TMPRSS11D: variants seen among roughly 807,000 people sequenced by gnomAD.
TMPRSS11D encodes the protein transmembrane protease serine 11D.
In TMPRSS11D, 32 loss-of-function variants were observed where a neutral mutation model predicts 44.4. That is an observed-to-expected ratio of 0.72 (90% CI 0.54 to 0.97). TMPRSS11D has a LOEUF of 0.97. Ranked by LOEUF, TMPRSS11D falls within the 50% of genes least tolerant of loss-of-function variation. The probability of loss-of-function intolerance (pLI) is 0.00; values close to 1 mark genes in which losing one functional copy is unlikely to be tolerated. For missense variants in TMPRSS11D, 446 were observed against 502.6 expected (o/e 0.89, Z 1.08); for synonymous variants, 179 against 177.9 (o/e 1.01, Z -0.05).
chr4:67,825,903 G>A, intron 8 of TMPRSS11D, 29 bp from the exon 9 acceptor site: 1 of 1,594,140 alleles, frequency 6.3e-7, no homozygotes, highest in South Asian at 1.1e-5. Context: ...GGAAAAAAAT[G>A]GACTTCAAGA....
At chr4:67,847,683 T>C (rs981632887) in intron 3 of TMPRSS11D, among the ~76,000 whole-genome samples, 3 of 152,174 alleles carry the variant, frequency 2.0e-5, no homozygotes, top group Admixed American at 2.0e-4. Flanking sequence ...GATGCTAGTG[T>C]CAATCCTGTT....
intron 5 of TMPRSS11D, 159 bp downstream of exon 5, chr4:67,838,013 C>T (rs1231307707): frequency 6.0e-6 from 3 of 501,028 alleles, no homozygotes; most frequent in East Asian, 3.5e-5. Flanking sequence ...GAATGATTTA[C>T]GTTAGGGAGC....
chr4:67,822,553 T>G, intron 9 of TMPRSS11D, 55 bp from the exon 10 acceptor site: 1 of 1,591,408 alleles, frequency 6.3e-7, no homozygotes. Context: ...CCCAAAATAT[T>G]AAGGAGTTTA....
At chr4:67,834,395 T>C (rs1378733288) in intron 6 of TMPRSS11D, among the ~76,000 whole-genome samples, 1 of 152,168 alleles carries the variant, frequency 6.6e-6, no homozygotes, top group Non-Finnish European at 1.5e-5. Flanking sequence ...ACAATAAGCA[T>C]GAATTAAATA....
At chr4:67,866,240 C>G (rs1273580663) in intron 1 of TMPRSS11D, among the ~76,000 whole-genome samples, 3 of 151,720 alleles carry the variant, frequency 2.0e-5, no homozygotes, top group African/African-American at 7.3e-5. Flanking sequence ...GAATTAAAAA[C>G]AAAACCATAT....
chr4:67,847,185 T>C lies in TMPRSS11D; in HGVS notation c.250-4560A>G, dbSNP rs570287853. Among the ~76,000 whole-genome samples, 72 of 152,324 alleles carry C rather than the reference T, an allele frequency of 4.7e-4. No homozygotes were observed. The South Asian group carries it at 0.015, about 32-fold the overall frequency. On this transcript the variant is annotated intron_variant, in intron 3 of 9. Transcript: ENST00000283916. ...TCCCAAAGTGCTGGGATTACAGGCC[T>C]GAGCCACTGCATCCGGCCTTAAAAA...
chr4:67,866,680 T>C (rs1378600030), intron 1 of TMPRSS11D, among the ~76,000 whole-genome samples: 1 of 152,080 alleles, frequency 6.6e-6, no homozygotes. Flanking sequence ...GTAGCATTTT[T>C]ATACATCAAT....
chr4:67,830,365 G>A (rs1717916913), intron 7 of TMPRSS11D, among the ~76,000 whole-genome samples: 1 of 151,788 alleles, frequency 6.6e-6, no homozygotes, highest in Non-Finnish European at 1.5e-5. Flanking sequence ...GCCTTGTACA[G>A]ACTGATGAAA....
At chr4:67,834,593 G>C (rs1025540883) in intron 6 of TMPRSS11D, among the ~76,000 whole-genome samples, 1 of 152,140 alleles carries the variant, frequency 6.6e-6, no homozygotes, top group Non-Finnish European at 1.5e-5. Flanking sequence ...ATAGGATGAT[G>C]TTGAAGAGTA....
intron 1 of TMPRSS11D, among the ~76,000 whole-genome samples, chr4:67,882,521 T>C (rs1719344577): frequency 6.6e-6 from 1 of 152,168 alleles, no homozygotes; most frequent in Non-Finnish European, 1.5e-5. Context: ...CCTTCTGAAA[T>C]TGTACAACTC....
At chr4:67,875,498 C>T (rs1719166275) in intron 1 of TMPRSS11D, among the ~76,000 whole-genome samples, 1 of 152,208 alleles carries the variant, frequency 6.6e-6, no homozygotes, top group Non-Finnish European at 1.5e-5. Flanking sequence ...TCAATCTTTG[C>T]AAACACTTTA....
chr4:67,843,530 C>T (rs1457718943), intron 3 of TMPRSS11D, among the ~76,000 whole-genome samples: 3 of 151,994 alleles, frequency 2.0e-5, no homozygotes, highest in African/African-American at 4.8e-5. Flanking sequence ...CTATTATGTA[C>T]CCATAATAAT....
Position 67,826,010 on chromosome 4 carries a change from T to C in TMPRSS11D, c.953-136A>G, listed in dbSNP as rs572833048. ...CAATGAAGGCTTCTAAAGATTTACT[T>C]TGGAGTTTCTTCGCAGCCAAAATTC... On this transcript the variant is annotated intron_variant, in intron 8 of 9. Coordinates refer to ENST00000283916, the MANE Select transcript of TMPRSS11D (RefSeq NM_004262.3). The C allele has an allele frequency of 5.6e-5, 62 of 1,108,658 alleles. 1 individual carries two copies. The South Asian group carries it at 1.2e-3, about 21-fold the overall frequency. The allele number at this position is 1,108,658 out of a possible 1,614,324, so 68.7% of individuals were successfully genotyped here.
chr4:67,846,339 A>T (rs1034446256), intron 3 of TMPRSS11D, among the ~76,000 whole-genome samples: 132 of 152,218 alleles, frequency 8.7e-4, no homozygotes, highest in Non-Finnish European at 1.2e-3. Flanking sequence ...ATTAGAAATT[A>T]AAAAGGCTGA....
In TMPRSS11D at chr4:67,879,788, A is replaced by G. The variant is rs148219667; in HGVS notation, c.8+4138T>C. On this transcript the variant is annotated intron_variant, in intron 1 of 9. Coordinates refer to ENST00000283916, the MANE Select transcript of TMPRSS11D (RefSeq NM_004262.3). The stretch of plus-strand genomic sequence containing the variant: ...GATTAAAGATAAAAATGCATATACC[A>G]TGTGACTCGGAAAATCTATTTCTAG... 9.2e-5 allele frequency among the ~76,000 whole-genome samples: 14 copies of G among 152,308 alleles called. 1 individual carries two copies. The highest frequency in any genetic ancestry group is 3.4e-4 in the African/African-American group (14 of 41,570).
rs796524475 is a variant in TMPRSS11D, at chr4:67,825,881, G to T, written c.953-7C>A. On this transcript the variant is annotated splice_region_variant and splice_polypyrimidine_tract_variant and intron_variant, in intron 8 of 9. Transcript: ENST00000283916. ...AGCTCTGGAACTGTGTGGCCTGTTT[G>T]TTATAAAAGCAGGAAAAAAATGGAC... 1.9e-6 allele frequency: 3 copies of T among 1,602,002 alleles called. No homozygotes were observed. Among genetic ancestry groups the T allele is most frequent in the Non-Finnish European group, 1.7e-6 (2 of 1,172,814 alleles).
At chr4:67,825,100 C>T (rs1340105328) in intron 9 of TMPRSS11D, among the ~76,000 whole-genome samples, 2 of 151,874 alleles carry the variant, frequency 1.3e-5, no homozygotes, top group Non-Finnish European at 2.9e-5. Flanking sequence ...CTTTTTCATT[C>T]ATACTGTTTC....
intron 9 of TMPRSS11D, among the ~76,000 whole-genome samples, chr4:67,822,938 A>G (rs1717688605): frequency 6.6e-6 from 1 of 151,886 alleles, no homozygotes; most frequent in African/African-American, 2.4e-5. Flanking sequence ...GCCTATTTAC[A>G]CTTAATCCCA....
At chr4:67,848,535 A>G (rs1419890142) in intron 3 of TMPRSS11D, among the ~76,000 whole-genome samples, 1 of 152,220 alleles carries the variant, frequency 6.6e-6, no homozygotes, top group African/African-American at 2.4e-5. Context: ...AATCATTCAT[A>G]ATTAAGTAAA....
Sources: allele counts gnomAD v4.1 joint callset (sites outside exome capture counted in the v4.1 genomes callset), GRCh38; gene constraint gnomAD v4.1.1; transcripts MANE v1.5; gene names NCBI Gene and HGNC (gene_info 2026-07-23, HGNC 2026-07-21).